The following SCMH1 variants were observed in gnomAD, a reference collection of about 807,000 sequenced individuals.
SCMH1 encodes the protein polycomb protein SCMH1.
A neutral mutation model predicts 70.8 loss-of-function variants in SCMH1; 37 were observed. The ratio of observed to expected loss-of-function variants is 0.52; its 90% confidence interval spans 0.40 to 0.69. SCMH1 has a LOEUF of 0.69. Ranked by LOEUF, SCMH1 falls within the 30% of genes least tolerant of loss-of-function variation. The pLI is 0.00. For missense variants in SCMH1, 607 were observed against 827.3 expected (o/e 0.73, Z 3.27); for synonymous variants, 292 against 307.4 (o/e 0.95, Z 0.52).
At chr1:41,124,862 C>G (rs1672794925) in intron 6 of SCMH1, among the ~76,000 whole-genome samples, 1 of 152,124 alleles carries the variant, frequency 6.6e-6, no homozygotes, top group Admixed American at 6.5e-5. Flanking sequence ...TCCCAAAGTG[C>G]TGGCTCTGAT....
chr1:41,079,324 A>G (rs1457517426), intron 8 of SCMH1, among the ~76,000 whole-genome samples: 1 of 147,650 alleles, frequency 6.8e-6, no homozygotes, highest in Non-Finnish European at 1.5e-5. Context: ...AACAGTCAGT[A>G]GGAATAAATG....
Position 41,046,390 on chromosome 1 carries a change from C to A in SCMH1, c.1498+17G>T, listed in dbSNP as rs1350810124. ...CCTGTCCCCCACTCTCAGCCCAGGC[C>A]CCATCCCAGCTCCTACCTGGTAGGT... is the stretch of plus-strand genomic sequence containing the variant. On this transcript the variant is annotated intron_variant, in intron 12 of 14. Coordinates refer to ENST00000337495, the Ensembl canonical transcript of SCMH1. 6.2e-7 allele frequency: 1 copy of A among 1,611,674 alleles called. No individual in the cohort carries two copies. The highest frequency in any genetic ancestry group is 1.7e-5 in the Admixed American group (1 of 59,962).
intron 8 of SCMH1, among the ~76,000 whole-genome samples, chr1:41,094,168 T>A (rs1664447008): frequency 6.6e-6 from 1 of 152,230 alleles, no homozygotes; most frequent in African/African-American, 2.4e-5. Context: ...TGGGATTTAA[T>A]AAGCTTAATA....
rs1395935341 is a variant in SCMH1, at chr1:41,053,076, C to T, written c.1106-4186G>A. Reference sequence around the variant, plus strand: ...GGGATTACAGGCACGTGCCATCACGCGAGGCTAATTTTTGTATTTTTAGTA... The same window carrying T: ...GGGATTACAGGCACGTGCCATCACGTGAGGCTAATTTTTGTATTTTTAGTA... On this transcript the variant is annotated intron_variant, in intron 10 of 14. Transcript: ENST00000337495. Among the ~76,000 whole-genome samples, 13 of 31,434 alleles carry T rather than the reference C, an allele frequency of 4.1e-4. No homozygotes were observed. The East Asian group carries it at 5.3e-3, about 13-fold the overall frequency. 20.6% of individuals were successfully genotyped at this position (31,434 alleles called of 152,430 possible).
chr1:41,197,467 C>T (rs377308543), intron 1 of SCMH1, among the ~76,000 whole-genome samples: 1 of 152,250 alleles, frequency 6.6e-6, no homozygotes, highest in East Asian at 1.9e-4. Context: ...TACGATTCTA[C>T]TTACAGGACG....
chr1:41,150,465 C>G (rs117463479), intron 5 of SCMH1, among the ~76,000 whole-genome samples: 2,858 of 151,826 alleles, frequency 0.019, 90 homozygotes, highest in East Asian at 0.11. Flanking sequence ...ATCAAGACAC[C>G]GCACTCCAGC....
intron 2 of SCMH1, among the ~76,000 whole-genome samples, chr1:41,175,548 T>C (rs533091117): frequency 1.2e-3 from 176 of 152,338 alleles, no homozygotes; most frequent in African/African-American, 4.0e-3. Context: ...GTTTCTGTTT[T>C]GGGGGAGAAC....
chr1:41,147,428 T>G (rs1289861630), intron 5 of SCMH1, among the ~76,000 whole-genome samples: 8 of 152,206 alleles, frequency 5.3e-5, no homozygotes, highest in Non-Finnish European at 1.0e-4. Context: ...GAAAGTTCCC[T>G]TCTATTTCTA....
chr1:41,154,241 G>T (rs1404968656), intron 4 of SCMH1, among the ~76,000 whole-genome samples: 1 of 152,180 alleles, frequency 6.6e-6, no homozygotes, highest in Non-Finnish European at 1.5e-5. Context: ...GGCTCCAAGT[G>T]TGGCCTGAGA....
intron 1 of SCMH1, among the ~76,000 whole-genome samples, chr1:41,234,631 C>CA (rs1661987286): frequency 6.6e-6 from 1 of 151,800 alleles, no homozygotes; most frequent in Non-Finnish European, 1.5e-5. Flanking sequence ...CCCGCCACCA[C>CA]ACCTGGCTAA....
At chr1:41,181,993 T>C (rs567704162) in intron 2 of SCMH1, among the ~76,000 whole-genome samples, 46 of 152,282 alleles carry the variant, frequency 3.0e-4, no homozygotes, top group African/African-American at 1.1e-3. Context: ...ATGTGGCACA[T>C]ATACACCATG....
In SCMH1 at chr1:41,167,157, T is replaced by A. The variant is rs933924076; in HGVS notation, c.14-5725A>T. On this transcript the variant is annotated intron_variant, in intron 2 of 14. Coordinates refer to ENST00000337495, the Ensembl canonical transcript of SCMH1. ...GGTGACTCACATTTATTCATTTCCA[T>A]CACATCCCAAGGGCAAATCCCACTT... 2.0e-5 allele frequency among the ~76,000 whole-genome samples: 3 copies of A among 152,142 alleles called. 1 individual carries two copies. The South Asian group carries it at 6.2e-4, about 31-fold the overall frequency.
intron 10 of SCMH1, among the ~76,000 whole-genome samples, chr1:41,058,378 G>GTTTTTCTTTTTTTTT (rs1651274417): frequency 1.2e-5 from 1 of 81,640 alleles, no homozygotes; most frequent in Non-Finnish European, 2.1e-5. Flanking sequence ...TTTCTTTCTT[G>GTTTTTCTTTTTTTTT]TTTTTTTTTT....
chr1:41,114,661 TTCTCTCTCTC>T (rs61013208), intron 7 of SCMH1, among the ~76,000 whole-genome samples: 14 of 148,276 alleles, frequency 9.4e-5, no homozygotes, highest in Admixed American at 9.4e-4. Context: ...AAGATTTCCT[TTCTCTCTCTC>T]TCTCTCTCTC....
chr1:41,191,651 C>T lies in SCMH1; in HGVS notation c.-117-5401G>A, dbSNP rs147039969. Among the ~76,000 whole-genome samples, 1,131 of 152,276 alleles carry T rather than the reference C, an allele frequency of 7.4e-3. 4 individuals are homozygous for T. The highest frequency in any genetic ancestry group is 0.013 in the Admixed American group (205 of 15,286). ...CCTCCTCCTTCCATCTCCAATCCTA[C>T]CATCTCTAGCCAATGTTTGCATTTG... On this transcript the variant is annotated intron_variant, in intron 1 of 14. Transcript: ENST00000337495.
At chr1:41,070,755 A>G in intron 9 of SCMH1, 34 bp from the exon 10 acceptor site, 1 of 1,612,218 alleles carries the variant, frequency 6.2e-7, no homozygotes, top group Admixed American at 1.7e-5. Context: ...ATTGCTACCC[A>G]TGACAGGTCT....
intron 6 of SCMH1, among the ~76,000 whole-genome samples, chr1:41,136,009 T>C (rs1040803379): frequency 1.3e-5 from 2 of 151,606 alleles, no homozygotes; most frequent in African/African-American, 4.8e-5. Context: ...AGTGGTACAA[T>C]CTCAACTCAC....
intron 2 of SCMH1, among the ~76,000 whole-genome samples, chr1:41,184,613 T>A (rs958169503): frequency 7.2e-5 from 11 of 152,164 alleles, no homozygotes; most frequent in African/African-American, 2.4e-4. Context: ...GTCTTTTGAT[T>A]GGAGGCATTC....
intron 10 of SCMH1, among the ~76,000 whole-genome samples, chr1:41,050,671 A>T (rs752152704): frequency 1.2e-4 from 18 of 152,206 alleles, no homozygotes; most frequent in Non-Finnish European, 2.5e-4. Context: ...GCCAGATAAT[A>T]AGAGAGGAGA....
Sources: gnomAD v4.1 joint callset for allele counts (sites outside exome capture counted in the v4.1 genomes callset) on GRCh38, gnomAD v4.1.1 for gene constraint, MANE v1.5 for transcripts, NCBI Gene and HGNC (gene_info 2026-07-23, HGNC 2026-07-21) for gene names.